Variants in SF3B3 observed in about 807,000 individuals in gnomAD.
SF3B3 encodes splicing factor 3b subunit 3.
SF3B3 carries 33 observed loss-of-function variants against 139.2 expected under a neutral mutation model. The ratio of observed to expected loss-of-function variants is 0.24; its 90% CI spans 0.18 to 0.32. The LOEUF is 0.32. SF3B3 is among the 10% of genes least tolerant of loss of function. SF3B3 has a pLI of 1.00. For missense variants in SF3B3, 818 were observed against 1,509.4 expected, an observed-to-expected ratio of 0.54 and a Z score of 7.59; for synonymous variants, 596 against 563.6, an observed-to-expected ratio of 1.06 and a Z score of -0.81.
intron 11 of SF3B3, among the ~76,000 whole-genome samples, chr16:70,548,879 A>T (rs1320646227): frequency 1.3e-5 from 2 of 152,238 alleles, no homozygotes; most frequent in African/African-American, 4.8e-5. Context: ...AAAGCTTGTT[A>T]GTCAATCTTG....
intron 1 of SF3B3, chr16:70,524,579 T>G (rs527259857): frequency 1.5e-3 from 157 of 104,034 alleles, no homozygotes; most frequent in African/African-American, 0.011. Context: ...AGTGGCGCGA[T>G]CTCGGCTCAC....
At position 70,546,852 on chromosome 16, in the gene SF3B3, C is replaced by T. The variant is rs531508649; in HGVS notation, c.1330-1518C>T. On this transcript the variant is annotated intron_variant, in intron 10 of 25. Transcript: ENST00000302516. Reference sequence around the variant, plus strand: ...ACCATCTTGGCTAACACGGTGAAACCCCGTCTCTACTAAAAATACAAAAAG... The same window carrying T: ...ACCATCTTGGCTAACACGGTGAAACTCCGTCTCTACTAAAAATACAAAAAG... 2.2e-4 allele frequency among the ~76,000 whole-genome samples: 34 copies of T among 152,010 alleles called. No individual in the cohort carries two copies. The South Asian group carries it at 6.7e-3, about 30-fold the overall frequency.
At chr16:70,529,369 AAAC>A (rs1313215082) in intron 3 of SF3B3, 170 bp downstream of exon 3, 13 of 598,132 alleles carry the variant, frequency 2.2e-5, no homozygotes, top group Non-Finnish European at 3.2e-5. Flanking sequence ...TTTTCTTTTA[AAAC>A]AATGGGAAAA....
intron 21 of SF3B3, among the ~76,000 whole-genome samples, chr16:70,567,875 C>G (rs1273917460): frequency 6.6e-6 from 1 of 152,124 alleles, no homozygotes; most frequent in Admixed American, 6.5e-5. Context: ...TTAGTAGAGA[C>G]AGGGTTTTAC....
At chr16:70,555,601 CCT>C (rs148395227) in intron 13 of SF3B3, among the ~76,000 whole-genome samples, 63 of 152,174 alleles carry the variant, frequency 4.1e-4, no homozygotes, top group African/African-American at 1.4e-3. Context: ...TATGAAATCC[CCT>C]CTTAGCAGTG....
At chr16:70,569,374 T>C (rs1188326647) in intron 23 of SF3B3, among the ~76,000 whole-genome samples, 2 of 152,182 alleles carry the variant, frequency 1.3e-5, no homozygotes, top group Non-Finnish European at 2.9e-5. Context: ...GGCTTTACTT[T>C]CTCCTGTAGG....
At chr16:70,551,240 G>A (rs910023084) in intron 11 of SF3B3, among the ~76,000 whole-genome samples, 4 of 152,146 alleles carry the variant, frequency 2.6e-5, no homozygotes, top group East Asian at 3.8e-4. Flanking sequence ...TGGGAGCCCT[G>A]TTGAACTGTG....
chr16:70,556,596 G>A, intron 14 of SF3B3: 1 of 597,218 alleles, frequency 1.7e-6, no homozygotes. Context: ...AACCAAGACT[G>A]CATAAATTTG....
In SF3B3 at chr16:70,549,404, T is replaced by C. The variant is rs1298119864; in HGVS notation, c.1402+962T>C. Among the ~76,000 whole-genome samples, 5 of 152,108 alleles carry C rather than the reference T, an allele frequency of 3.3e-5. No homozygotes were observed. The East Asian group carries it at 9.6e-4, about 29-fold the overall frequency. On this transcript the variant is annotated intron_variant, in intron 11 of 25. Coordinates refer to ENST00000302516, the MANE Select transcript of SF3B3 (RefSeq NM_012426.5). ...GAAAGGGAAAATTGTGAATAGGAAA[T>C]GGGTAGGCTTATAAGCTGAAGAGAT...
intron 2 of SF3B3, chr16:70,527,159 T>C (rs1005366891): frequency 1.2e-5 from 2 of 163,692 alleles, no homozygotes; most frequent in Non-Finnish European, 1.3e-5. Flanking sequence ...AACTTTTGTA[T>C]GAGAGAAAAG....
chr16:70,537,780 G>A lies in SF3B3; in HGVS notation c.826-543G>A, dbSNP rs189345148. 8.5e-5 allele frequency among the ~76,000 whole-genome samples: 13 copies of A among 152,230 alleles called. No individual in the cohort carries two copies. The East Asian group carries it at 1.2e-3, about 14-fold the overall frequency. On this transcript the variant is annotated intron_variant, in intron 6 of 25. Coordinates refer to ENST00000302516, the MANE Select transcript of SF3B3 (RefSeq NM_012426.5). ...GGGAGAAATAGAAACTGTTGGAAAC[G>A]TTAAAAAACGCAAGGCAGGTGCAGT...
rs200281969 is a variant in SF3B3 at position 70,558,505 on chromosome 16, TTCTC to T, written c.2010+1480_2010+1483del. Among the ~76,000 whole-genome samples, 226 of 152,310 alleles carry T rather than the reference TTCTC, an allele frequency of 1.5e-3. 2 individuals carry two copies. Among genetic ancestry groups the T allele is most frequent in the Non-Finnish European group, 1.5e-4 (10 of 68,034 alleles). On this transcript the variant is annotated intron_variant, in intron 15 of 25. Coordinates refer to ENST00000302516, the MANE Select transcript of SF3B3 (RefSeq NM_012426.5). ...AATTGCTGAGCTATTTCACCTTTTT[TTCTC>T]TCTTTTTTAAACCAAGTCTGAAATC... is the stretch of plus-strand genomic sequence containing the variant.
chr16:70,569,942 C>T lies in SF3B3; in HGVS notation c.3265-64C>T, dbSNP rs530697566. On this transcript the variant is annotated intron_variant, in intron 23 of 25. Coordinates refer to ENST00000302516, the MANE Select transcript of SF3B3 (RefSeq NM_012426.5). ...AATGTGCCTTAGGGAGCACTGCTTG[C>T]CCTTGGGAGTCCAGGGAGGCTCCTG... 5.4e-5 allele frequency: 86 copies of T among 1,591,830 alleles called. 1 individual carries two copies. In the South Asian group the frequency reaches 8.9e-4, roughly 17 times the overall value.
At chr16:70,551,559 G>T in intron 11 of SF3B3, among the ~76,000 whole-genome samples, 1 of 152,252 alleles carries the variant, frequency 6.6e-6, no homozygotes, top group South Asian at 2.1e-4. Context: ...AAAATTAGCT[G>T]GGTGTGGTGG....
intron 10 of SF3B3, among the ~76,000 whole-genome samples, chr16:70,547,694 A>G (rs1400212978): frequency 6.6e-6 from 1 of 152,204 alleles, no homozygotes; most frequent in African/African-American, 2.4e-5. Flanking sequence ...CCCGGGTTCA[A>G]GCGATTCTCC....
rs1019347811 is a variant in SF3B3, at chr16:70,572,006, T to G, written c.*193T>G. ...CTTCCCCTCAAATTGGCACTGAGAT[T>G]TGCTACACTTCTCCCCACCTGGTAC... is the stretch of plus-strand genomic sequence containing the variant. On this transcript the variant is annotated 3_prime_UTR_variant, in exon 26 of 26. Transcript: ENST00000302516. 1 of 712,254 alleles carries G rather than the reference T, an allele frequency of 1.4e-6. No individual in the cohort carries two copies. The highest frequency in any genetic ancestry group is 2.3e-5 in the Admixed American group (1 of 43,298). The allele number at this position is 712,254 out of a possible 1,614,324, so 44.1% of individuals were successfully genotyped here.
intron 9 of SF3B3, among the ~76,000 whole-genome samples, chr16:70,544,060 A>C (rs1197651843): frequency 6.6e-6 from 1 of 152,200 alleles, no homozygotes; most frequent in Non-Finnish European, 1.5e-5. Flanking sequence ...TATGCATAGA[A>C]TCAGAATAGC....
chr16:70,563,204 A>C (rs907485224), intron 17 of SF3B3, among the ~76,000 whole-genome samples: 1 of 152,188 alleles, frequency 6.6e-6, no homozygotes, highest in Non-Finnish European at 1.5e-5. Context: ...TCCTAGCCTT[A>C]GGTGATCTGC....
At chr16:70,570,350 T>TTTC (rs1555501227) in intron 24 of SF3B3, among the ~76,000 whole-genome samples, 3 of 150,378 alleles carry the variant, frequency 2.0e-5, no homozygotes, top group Non-Finnish European at 3.0e-5. Flanking sequence ...TTTTTTTTTT[T>TTTC]GCGACGGAGT....
Sources: allele counts gnomAD v4.1 joint callset (sites outside exome capture counted in the v4.1 genomes callset), GRCh38; gene constraint gnomAD v4.1.1; transcripts MANE v1.5; gene names NCBI Gene and HGNC (gene_info 2026-07-23, HGNC 2026-07-21).